BTBD9: variants seen among roughly 807,000 people sequenced by gnomAD.
The protein encoded by BTBD9 is BTB domain containing 9.
A neutral mutation model predicts 64.3 loss-of-function variants in BTBD9; 49 were observed. The ratio of observed to expected loss-of-function variants is 0.76; its 90% CI spans 0.61 to 0.97. The LOEUF is 0.97. BTBD9 is among the 50% of genes least tolerant of loss of function. The pLI is 0.00. For missense variants in BTBD9, 598 were observed against 762.1 expected (o/e 0.78, Z 2.53); for synonymous variants, 260 against 274.7 (o/e 0.95, Z 0.53).
intron 4 of BTBD9, among the ~76,000 whole-genome samples, chr6:38,589,821 T>A (rs12204346): frequency 6.6e-6 from 1 of 152,166 alleles, no homozygotes; most frequent in East Asian, 1.9e-4. Context: ...CATTGACCAT[T>A]GGATCCATAG....
At chr6:38,225,761 G>A (rs1281874112) in intron 9 of BTBD9, among the ~76,000 whole-genome samples, 1 of 129,560 alleles carries the variant, frequency 7.7e-6, no homozygotes, top group East Asian at 2.0e-4. Context: ...CCTATGAGAG[G>A]AAAAAGAAGC....
intron 7 of BTBD9, among the ~76,000 whole-genome samples, chr6:38,331,102 G>A (rs1763657075): frequency 6.6e-6 from 1 of 152,146 alleles, no homozygotes; most frequent in Admixed American, 6.5e-5. Flanking sequence ...AAGTTAAAAG[G>A]TAACTAACAG....
chr6:38,535,936 A>C (rs1774003666), intron 6 of BTBD9, among the ~76,000 whole-genome samples: 1 of 152,178 alleles, frequency 6.6e-6, no homozygotes, highest in South Asian at 2.1e-4. Context: ...TGGAGGGAGC[A>C]GAGATTTCTT....
intron 6 of BTBD9, among the ~76,000 whole-genome samples, chr6:38,538,778 T>C (rs1774135758): frequency 8.6e-6 from 1 of 115,700 alleles, no homozygotes; most frequent in Non-Finnish European, 1.9e-5. Context: ...TAGCTTTTTC[T>C]TTTTCTTTTT....
chr6:38,448,316 G>T (rs911862154), intron 6 of BTBD9, among the ~76,000 whole-genome samples: 4 of 152,216 alleles, frequency 2.6e-5, no homozygotes, highest in Non-Finnish European at 5.9e-5. Flanking sequence ...AGGGGAGAAA[G>T]AATGCAATGT....
At chr6:38,363,035 G>A (rs1765034855) in intron 6 of BTBD9, among the ~76,000 whole-genome samples, 1 of 152,002 alleles carries the variant, frequency 6.6e-6, no homozygotes, top group Non-Finnish European at 1.5e-5. Flanking sequence ...GCTAAGAGAA[G>A]GTGTATATTG....
chr6:38,557,400 G>A (rs1313919523), intron 6 of BTBD9, among the ~76,000 whole-genome samples: 2 of 152,154 alleles, frequency 1.3e-5, no homozygotes, highest in Non-Finnish European at 1.5e-5. Flanking sequence ...ACAGACCTCA[G>A]CTTCAGTCCC....
chr6:38,492,758 CTG>C (rs766371536), intron 6 of BTBD9, among the ~76,000 whole-genome samples: 6 of 152,056 alleles, frequency 3.9e-5, no homozygotes, highest in Non-Finnish European at 5.9e-5. Context: ...AACCAAAAAA[CTG>C]TCAATATGCT....
At chr6:38,556,721 T>C (rs1449104286) in intron 6 of BTBD9, among the ~76,000 whole-genome samples, 1 of 151,520 alleles carries the variant, frequency 6.6e-6, no homozygotes, top group African/African-American at 2.4e-5. Flanking sequence ...CACTGTGTGT[T>C]TAAAAAGACC....
intron 6 of BTBD9, among the ~76,000 whole-genome samples, chr6:38,422,014 T>G (rs1194145378): frequency 1.3e-5 from 2 of 152,164 alleles, no homozygotes; most frequent in Admixed American, 6.5e-5. Context: ...GTTTTTCAAT[T>G]CATTAAACAA....
At chr6:38,297,941 T>C (rs1762222213) in intron 7 of BTBD9, among the ~76,000 whole-genome samples, 1 of 151,464 alleles carries the variant, frequency 6.6e-6, no homozygotes, top group Admixed American at 6.6e-5. Flanking sequence ...CCTGGGTTCA[T>C]GCCATTCTCC....
chr6:38,619,715 T>C (rs1277953664), intron 1 of BTBD9, among the ~76,000 whole-genome samples: 1 of 152,170 alleles, frequency 6.6e-6, no homozygotes, highest in Non-Finnish European at 1.5e-5. Flanking sequence ...TGGCACAGCT[T>C]TCTCAGTGTT....
chr6:38,524,737 C>T (rs894430103), intron 6 of BTBD9, among the ~76,000 whole-genome samples: 1 of 152,122 alleles, frequency 6.6e-6, no homozygotes, highest in African/African-American at 2.4e-5. Flanking sequence ...TTCTTGAAGC[C>T]ACCCTTGCTT....
At chr6:38,209,249 G>A (rs1762753991) in intron 9 of BTBD9, among the ~76,000 whole-genome samples, 1 of 152,138 alleles carries the variant, frequency 6.6e-6, no homozygotes, top group Admixed American at 6.5e-5. Context: ...GTGGCCGAGT[G>A]TCTACCCCAG....
chr6:38,298,160 T>C (rs1420235742), intron 7 of BTBD9, among the ~76,000 whole-genome samples: 2 of 152,024 alleles, frequency 1.3e-5, no homozygotes, highest in Non-Finnish European at 2.9e-5. Flanking sequence ...TGGCCTCTGC[T>C]CCAGTTTTCT....
intron 6 of BTBD9, among the ~76,000 whole-genome samples, chr6:38,469,197 A>G (rs1006265557): frequency 2.6e-5 from 4 of 152,150 alleles, no homozygotes; most frequent in Admixed American, 2.0e-4. Flanking sequence ...CTGACTTTCA[A>G]TAGTGCTTTT....
intron 6 of BTBD9, among the ~76,000 whole-genome samples, chr6:38,555,716 T>C (rs1026855582): frequency 6.6e-6 from 1 of 152,228 alleles, no homozygotes. Flanking sequence ...TACCATGTCA[T>C]CATTTTGGTG....
intron 6 of BTBD9, among the ~76,000 whole-genome samples, chr6:38,425,621 C>T (rs748012972): frequency 6.6e-6 from 1 of 151,364 alleles, no homozygotes; most frequent in Non-Finnish European, 1.5e-5. Flanking sequence ...AAGGATAAAC[C>T]CAGGCTGGAC....
At chr6:38,363,776 A>G (rs1471306098) in intron 6 of BTBD9, among the ~76,000 whole-genome samples, 1 of 152,272 alleles carries the variant, frequency 6.6e-6, no homozygotes, top group Non-Finnish European at 1.5e-5. Flanking sequence ...GAAGAAATTA[A>G]GAAAATGGTG....
Sources: gnomAD v4.1 joint callset for allele counts (sites outside exome capture counted in the v4.1 genomes callset) on GRCh38, gnomAD v4.1.1 for gene constraint, MANE v1.5 for transcripts, NCBI Gene and HGNC (gene_info 2026-07-23, HGNC 2026-07-21) for gene names.